The following CPZ variants were observed in gnomAD, a reference collection of about 807,000 sequenced individuals.
The protein encoded by CPZ is carboxypeptidase Z.
A neutral mutation model predicts 61.8 loss-of-function variants in CPZ; 103 were observed. The ratio of observed to expected loss-of-function variants is 1.67; its 90% CI spans 1.42 to 1.96. The LOEUF is 1.96. CPZ is among the 30% of genes most tolerant of loss of function. The pLI is 0.00. For synonymous variants in CPZ, 551 were observed against 373.7 expected, an observed-to-expected ratio of 1.47 and a Z score of -5.47; for missense variants, 1,461 against 914.9, an observed-to-expected ratio of 1.60 and a Z score of -7.70.
In CPZ at chr4:8,619,677, C is replaced by G; in HGVS notation, c.*60C>G. On this transcript the variant is annotated 3_prime_UTR_variant, in exon 11 of 11. Transcript: ENST00000360986. ...GAGGCCCATCTCCGCATCCCGGGCT[C>G]CTGGCTCTTGATTTTGTCTGCCACA... 1 of 1,302,362 alleles carries G rather than the reference C, an allele frequency of 7.7e-7. No homozygotes were observed. The highest frequency in any genetic ancestry group is 1.0e-6 in the Non-Finnish European group (1 of 981,870). The allele number at this position is 1,302,362 out of a possible 1,614,324, so 80.7% of individuals were successfully genotyped here. A position where few individuals can be genotyped will look rare whatever the true frequency, so the allele number is the denominator to read the frequency against.
intron 3 of CPZ, 158 bp from the exon 4 acceptor site, chr4:8,603,818 G>T: frequency 1.5e-6 from 1 of 664,824 alleles, no homozygotes; most frequent in Non-Finnish European, 2.7e-6. Context: ...AGATATCGTT[G>T]TAGGCACTGC....
In CPZ at chr4:8,601,110, C is replaced by T. The variant is rs780303057; in HGVS notation, c.122-13C>T. 1 of 1,556,182 alleles carries T rather than the reference C, an allele frequency of 6.4e-7. No homozygotes were observed. The highest frequency in any genetic ancestry group is 8.7e-7 in the Non-Finnish European group (1 of 1,145,534). On this transcript the variant is annotated splice_polypyrimidine_tract_variant and intron_variant, in intron 2 of 10. Coordinates refer to ENST00000360986, the MANE Select transcript of CPZ (RefSeq NM_001014447.3). Reference sequence around the variant, plus strand: ...CTGCAGGAGGGACTGACCTGCCGACCCTGCCTCCCCAGCCACCTGCGTGGA... The same window carrying T: ...CTGCAGGAGGGACTGACCTGCCGACTCTGCCTCCCCAGCCACCTGCGTGGA...
Position 8,606,105 on chromosome 4 carries a change from A to G in CPZ, c.826A>G (p.Ile276Val), listed in dbSNP as rs1455078680. The change falls in exon 5 of 11, where the codon ATC (isoleucine) becomes GTC (valine). Residue 276 changes from isoleucine to valine, a missense_variant. By Grantham distance (29) the Ile-to-Val change is conservative. Transcript: ENST00000360986. ...TGAGTACCTGCTTGGTAACCCCCGC[A>G]TCCAGCGCCTGCTCAACACCACCCG... is the stretch of plus-strand genomic sequence containing the variant. ...CSEYLLGNPRIQRLLNTTRIH... is the reference protein window; with the variant it reads ...CSEYLLGNPRVQRLLNTTRIH... 1.2e-6 allele frequency: 2 copies of G among 1,614,046 alleles called. No homozygotes were observed. The highest frequency in any genetic ancestry group is 2.2e-5 in the East Asian group (1 of 44,888).
intron 9 of CPZ, chr4:8,618,070 G>A (rs1167447319): frequency 3.3e-6 from 1 of 302,036 alleles, no homozygotes; most frequent in Non-Finnish European, 6.3e-6. Flanking sequence ...AGGGACCCAG[G>A]GAGTCCCGCT....
Position 8,607,344 on chromosome 4 carries a change from C to A in CPZ, c.1146C>A (p.Gly382=), listed in dbSNP as rs142705871. 2 of 1,613,964 alleles carry A rather than the reference C, an allele frequency of 1.2e-6. No individual in the cohort carries two copies. Among genetic ancestry groups the A allele is most frequent in the Admixed American group, 1.7e-5 (1 of 59,992 alleles). ...PFVLSASLHG[G]DLVVSYPFDF... ...TGCTCTCAGCCAGCCTTCATGGGGG[C>A]GACCTGGTGGTGTCCTACCCCTTCG... is the stretch of plus-strand genomic sequence containing the variant. Residue 382 remains glycine (G), a synonymous_variant, in exon 7 of 11, where the codon GGC becomes GGA. Transcript: ENST00000360986.
At chr4:8,614,771 C>T (rs1404826105) in intron 9 of CPZ, among the ~76,000 whole-genome samples, 1 of 152,124 alleles carries the variant, frequency 6.6e-6, no homozygotes, top group African/African-American at 2.4e-5. Flanking sequence ...CACAATTAAA[C>T]AAGGGAGCAT....
At chr4:8,609,839 A>G (rs1279445195) in intron 7 of CPZ, among the ~76,000 whole-genome samples, 1 of 152,206 alleles carries the variant, frequency 6.6e-6, no homozygotes, top group Non-Finnish European at 1.5e-5. Flanking sequence ...TCTGGAAACC[A>G]GGGTCCCAGG....
intron 9 of CPZ, among the ~76,000 whole-genome samples, chr4:8,615,320 C>G (rs1483578505): frequency 6.6e-6 from 1 of 152,160 alleles, no homozygotes; most frequent in Non-Finnish European, 1.5e-5. Context: ...GTCTGCTCCC[C>G]TTCCAGCACA....
At position 8,606,277 on chromosome 4, in the gene CPZ, G is replaced by T. The variant is rs533598363; in HGVS notation, c.906+92G>T. The stretch of plus-strand genomic sequence containing the variant: ...GAGTAGTTTATCCCAGCAGTGCTTC[G>T]TTCCTGCCTCTCTAGGAGAGGAGCA... On this transcript the variant is annotated intron_variant, in intron 5 of 10. Coordinates refer to ENST00000360986, the MANE Select transcript of CPZ (RefSeq NM_001014447.3). 3.1e-6 allele frequency: 4 copies of T among 1,271,654 alleles called. No homozygotes were observed. In the Admixed American group the frequency reaches 6.7e-5, roughly 21 times the overall value. 78.8% of individuals were successfully genotyped at this position (1,271,654 alleles called of 1,614,324 possible). A position where few individuals can be genotyped will look rare whatever the true frequency, so the allele number is the denominator to read the frequency against.
intron 7 of CPZ, among the ~76,000 whole-genome samples, chr4:8,610,165 CTG>C (rs1037087807): frequency 3.8e-4 from 58 of 152,336 alleles, no homozygotes; most frequent in African/African-American, 1.3e-3. Context: ...GGTCCTCAGC[CTG>C]TGTTTCTGGG....
chr4:8,614,598 T>C (rs1577127666), intron 9 of CPZ, 100 bp downstream of exon 9: 2 of 1,240,750 alleles, frequency 1.6e-6, no homozygotes, highest in African/African-American at 1.5e-5. Context: ...CACTGCCCCA[T>C]ACACACATGC....
At chr4:8,615,732 C>G (rs1362064233) in intron 9 of CPZ, among the ~76,000 whole-genome samples, 1 of 152,230 alleles carries the variant, frequency 6.6e-6, no homozygotes, top group Non-Finnish European at 1.5e-5. Context: ...GTGACATGGC[C>G]TGTCTGGTGT....
At chr4:8,608,135 T>TCCAGCCC (rs774809654) in intron 7 of CPZ, among the ~76,000 whole-genome samples, 53,247 of 136,862 alleles carry the variant, frequency 0.39, 9,902 homozygotes, top group Admixed American at 0.52. Context: ...GGCCCCAGCC[T>TCCAGCCC]CCAGCCCCCA....
intron 2 of CPZ, 71 bp from the exon 3 acceptor site, chr4:8,601,052 A>T: frequency 1.3e-6 from 2 of 1,496,600 alleles, no homozygotes; most frequent in Non-Finnish European, 1.8e-6. Context: ...GGGGTCCCCT[A>T]CGTAAATGTC....
intron 1 of CPZ, among the ~76,000 whole-genome samples, chr4:8,595,466 A>G (rs1429070901): frequency 6.6e-6 from 1 of 152,202 alleles, no homozygotes; most frequent in Non-Finnish European, 1.5e-5. Context: ...GGAGAGGCAG[A>G]GGGTGGGCTT....
chr4:8,598,069 C>T (rs571016346), intron 1 of CPZ, among the ~76,000 whole-genome samples: 5 of 152,340 alleles, frequency 3.3e-5, no homozygotes, highest in East Asian at 3.9e-4. Context: ...CAGGGCCGCC[C>T]GCACACGCCT....
At chr4:8,617,170 G>A (rs1000644417) in intron 9 of CPZ, among the ~76,000 whole-genome samples, 4 of 152,216 alleles carry the variant, frequency 2.6e-5, no homozygotes, top group African/African-American at 4.8e-5. Context: ...CATCGGTCAC[G>A]GCGGGGGTCA....
chr4:8,595,354 CTG>C (rs1185329393), intron 1 of CPZ, among the ~76,000 whole-genome samples: 4 of 152,222 alleles, frequency 2.6e-5, no homozygotes, highest in African/African-American at 4.8e-5. Context: ...CCGGGGATGT[CTG>C]TGTCCCACGG....
At chr4:8,614,960 AGAGCCGCTGGGGCTGTGGTGAGGACTC>A (rs1716039672) in intron 9 of CPZ, among the ~76,000 whole-genome samples, 1 of 152,076 alleles carries the variant, frequency 6.6e-6, no homozygotes, top group Non-Finnish European at 1.5e-5. Context: ...AAAACCCTCG[AGAGCCGCTGGGGCTGTGGTGAGGACTC>A]GAGCCGTGGG....
Sources: allele counts gnomAD v4.1 joint callset (sites outside exome capture counted in the v4.1 genomes callset), GRCh38; gene constraint gnomAD v4.1.1; transcripts MANE v1.5; gene names NCBI Gene and HGNC (gene_info 2026-07-23, HGNC 2026-07-21).